Variants in CNTNAP2 observed in about 807,000 individuals in gnomAD.
The protein encoded by CNTNAP2 is contactin associated protein 2, also known as contactin-associated protein-like 2.
CNTNAP2 carries 98 observed loss-of-function variants against 155.2 expected under a neutral mutation model. That is an observed-to-expected ratio of 0.63 (90% confidence interval 0.54 to 0.75). The LOEUF is 0.75. CNTNAP2 is among the 30% of genes least tolerant of loss of function. The pLI is 0.00. For synonymous variants in CNTNAP2, 651 were observed against 631.2 expected, an observed-to-expected ratio of 1.03 and a Z score of -0.47; for missense variants, 1,727 against 1,688.1, an observed-to-expected ratio of 1.02 and a Z score of -0.40.
chr7:146,781,221 C>G (rs1169214892), intron 2 of CNTNAP2, among the ~76,000 whole-genome samples: 1 of 134,372 alleles, frequency 7.4e-6, no homozygotes. Context: ...GAGCGAGACT[C>G]CATCTCAAAA....
intron 3 of CNTNAP2, among the ~76,000 whole-genome samples, chr7:147,019,692 G>A (rs1209613104): frequency 6.6e-6 from 1 of 152,056 alleles, no homozygotes; most frequent in Admixed American, 6.6e-5. Context: ...AATAAAGATG[G>A]TTAGTCCCTA....
chr7:147,699,282 G>A (rs992296269), intron 13 of CNTNAP2, among the ~76,000 whole-genome samples: 4 of 148,752 alleles, frequency 2.7e-5, no homozygotes, highest in African/African-American at 9.9e-5. Context: ...AAAAAGGAAT[G>A]AGTTCATGTC....
At chr7:148,356,347 G>A (rs1292986485) in intron 21 of CNTNAP2, among the ~76,000 whole-genome samples, 3 of 152,190 alleles carry the variant, frequency 2.0e-5, no homozygotes, top group African/African-American at 7.2e-5. Flanking sequence ...ATTAAGAGAA[G>A]GGTGTTATAT....
intron 2 of CNTNAP2, among the ~76,000 whole-genome samples, chr7:146,837,970 A>G (rs981540436): frequency 5.2e-4 from 79 of 152,166 alleles, no homozygotes; most frequent in African/African-American, 1.9e-3. Flanking sequence ...GTCTTGATCT[A>G]AAAGTGCACA....
intron 13 of CNTNAP2, among the ~76,000 whole-genome samples, chr7:147,680,366 C>A (rs978877644): frequency 4.7e-4 from 72 of 151,926 alleles, no homozygotes; most frequent in Non-Finnish European, 7.5e-4. Flanking sequence ...AGAATATCAT[C>A]TGTTTTTCTT....
chr7:147,424,477 C>T (rs947768739), intron 10 of CNTNAP2, among the ~76,000 whole-genome samples: 3 of 152,074 alleles, frequency 2.0e-5, no homozygotes, highest in Non-Finnish European at 4.4e-5. Context: ...TGCTTCTCCT[C>T]CTACTAAACC....
intron 15 of CNTNAP2, among the ~76,000 whole-genome samples, chr7:148,081,308 T>C (rs1481121590): frequency 6.6e-6 from 1 of 152,122 alleles, no homozygotes; most frequent in Non-Finnish European, 1.5e-5. Context: ...GATTGAAGGA[T>C]GCAAAGTATT....
At chr7:146,189,563 T>C (rs1020772599) in intron 1 of CNTNAP2, among the ~76,000 whole-genome samples, 1 of 152,172 alleles carries the variant, frequency 6.6e-6, no homozygotes, top group African/African-American at 2.4e-5. Flanking sequence ...ACAAAGTCTA[T>C]ACATATGCAC....
At chr7:146,641,862 G>A (rs544072074) in intron 1 of CNTNAP2, among the ~76,000 whole-genome samples, 1 of 152,248 alleles carries the variant, frequency 6.6e-6, no homozygotes, top group Non-Finnish European at 1.5e-5. Context: ...TGGGTTTGTT[G>A]TTATTATTTG....
intron 1 of CNTNAP2, among the ~76,000 whole-genome samples, chr7:146,520,903 G>C (rs2129137399): frequency 6.6e-6 from 1 of 151,940 alleles, no homozygotes; most frequent in East Asian, 1.9e-4. Flanking sequence ...GCAGTTTCCA[G>C]CTTTCAAAGT....
chr7:146,824,458 G>A (rs559287053), intron 2 of CNTNAP2, among the ~76,000 whole-genome samples: 42 of 152,112 alleles, frequency 2.8e-4, no homozygotes, highest in Admixed American at 7.2e-4. Context: ...TTGAGGAATC[G>A]CCACACTGTG....
At chr7:147,207,145 C>T (rs1382168762) in intron 8 of CNTNAP2, among the ~76,000 whole-genome samples, 2 of 152,136 alleles carry the variant, frequency 1.3e-5, no homozygotes, top group African/African-American at 4.8e-5. Context: ...AAACTGTTGT[C>T]AGGAACTCTG....
intron 5 of CNTNAP2, among the ~76,000 whole-genome samples, chr7:147,112,060 G>A (rs1584850909): frequency 6.6e-6 from 1 of 152,040 alleles, no homozygotes; most frequent in Admixed American, 6.6e-5. Context: ...TTGAGCAGAG[G>A]TTTGTAGTTC....
chr7:148,066,268 G>A (rs1329565815), intron 15 of CNTNAP2, among the ~76,000 whole-genome samples: 1 of 152,160 alleles, frequency 6.6e-6, no homozygotes, highest in Non-Finnish European at 1.5e-5. Context: ...GCTAGGTGAT[G>A]ATCTTTTTGT....
In CNTNAP2 at chr7:146,565,024, A is replaced by T. The variant is rs546318844; in HGVS notation, c.98-209247A>T. ...TTTCTAATCTAGTGTTTCTCCTACT[A>T]TAATATTTCAGTCTGCTTTTTCCTT... is the stretch of plus-strand genomic sequence containing the variant. On this transcript the variant is annotated intron_variant, in intron 1 of 23. Transcript: ENST00000361727. Among the ~76,000 whole-genome samples the T allele has an allele frequency of 8.7e-4, 132 of 152,176 alleles. 1 individual carries two copies. Among genetic ancestry groups the T allele is most frequent in the African/African-American group, 3.0e-3 (123 of 41,544 alleles).
intron 1 of CNTNAP2, among the ~76,000 whole-genome samples, chr7:146,654,563 C>G (rs1799965165): frequency 6.6e-6 from 1 of 152,022 alleles, no homozygotes; most frequent in Admixed American, 6.6e-5. Context: ...CTGTAATATA[C>G]AGAAATAGTC....
chr7:147,969,134 C>T (rs967472384), intron 14 of CNTNAP2, among the ~76,000 whole-genome samples: 1 of 152,156 alleles, frequency 6.6e-6, no homozygotes, highest in Non-Finnish European at 1.5e-5. Context: ...ACTGAAGCCT[C>T]GACTTCCTAG....
At chr7:146,417,671 T>C (rs933913399) in intron 1 of CNTNAP2, among the ~76,000 whole-genome samples, 9 of 152,152 alleles carry the variant, frequency 5.9e-5, no homozygotes, top group Non-Finnish European at 8.8e-5. Flanking sequence ...GTGTTTTTGG[T>C]GTTGGCATAA....
chr7:147,600,027 G>A (rs1342842650), intron 12 of CNTNAP2, among the ~76,000 whole-genome samples: 2 of 152,100 alleles, frequency 1.3e-5, no homozygotes, highest in Non-Finnish European at 2.9e-5. Context: ...CTACATTTCA[G>A]AATTTAAATA....
Sources: gnomAD v4.1 joint callset for allele counts (sites outside exome capture counted in the v4.1 genomes callset) on GRCh38, gnomAD v4.1.1 for gene constraint, MANE v1.5 for transcripts, NCBI Gene and HGNC (gene_info 2026-07-23, HGNC 2026-07-21) for gene names.